Variants in PLXDC1 observed in about 807,000 individuals in gnomAD.
PLXDC1 encodes the protein plexin domain containing 1.
PLXDC1 carries 39 observed loss-of-function variants against 61.3 expected under a neutral mutation model. That is an observed-to-expected ratio of 0.64 (90% confidence interval 0.49 to 0.83). The LOEUF (loss-of-function observed/expected upper bound fraction) is 0.83, where lower values mean the gene tolerates loss of function less well. Among genes scored for constraint, PLXDC1 ranks in the 40% least tolerant of loss-of-function variants. PLXDC1 has a pLI of 0.00. For missense variants in PLXDC1, 596 were observed against 666.5 expected (o/e 0.89, Z 1.17); for synonymous variants, 212 against 254.5 (o/e 0.83, Z 1.59).
chr17:39,099,859 G>T (rs1910358484), intron 7 of PLXDC1, among the ~76,000 whole-genome samples: 1 of 152,146 alleles, frequency 6.6e-6, no homozygotes, highest in African/African-American at 2.4e-5. Context: ...CCCCCAGAGA[G>T]CCTCTACGGT....
At position 39,079,037 on chromosome 17, in the gene PLXDC1, C is replaced by T. The variant is rs563117654; in HGVS notation, c.1050+67G>A. 1.4e-5 allele frequency: 18 copies of T among 1,276,318 alleles called. No individual in the cohort carries two copies. In the African/African-American group the frequency reaches 2.0e-4, roughly 14 times the overall value. The allele number at this position is 1,276,318 out of a possible 1,614,324, so 79.1% of individuals were successfully genotyped here. ...TGAGAAGAGTTTCCAGGGGCAGGCC[C>T]TACTGGCTGCCCTCCTGTTCCCCAC... On this transcript the variant is annotated intron_variant, in intron 10 of 13. Coordinates refer to ENST00000315392, the MANE Select transcript of PLXDC1 (RefSeq NM_020405.5).
At chr17:39,101,149 A>G (rs1910405601) in intron 7 of PLXDC1, among the ~76,000 whole-genome samples, 1 of 152,224 alleles carries the variant, frequency 6.6e-6, no homozygotes, top group African/African-American at 2.4e-5. Flanking sequence ...TGCTCCATAC[A>G]CATATGGCAA....
At chr17:39,105,458 G>A (rs193156087) in intron 7 of PLXDC1, among the ~76,000 whole-genome samples, 6 of 152,262 alleles carry the variant, frequency 3.9e-5, no homozygotes, top group African/African-American at 1.4e-4. Context: ...GCATGGCCGA[G>A]GCTGGATTCC....
chr17:39,070,860 C>T (rs1909088088), intron 12 of PLXDC1, among the ~76,000 whole-genome samples: 3 of 152,230 alleles, frequency 2.0e-5, no homozygotes, highest in Non-Finnish European at 4.4e-5. Flanking sequence ...CGCCTGTAGT[C>T]CCAGCTACTC....
chr17:39,127,550 A>C (rs1911347201), intron 2 of PLXDC1, among the ~76,000 whole-genome samples: 1 of 152,170 alleles, frequency 6.6e-6, no homozygotes, highest in Non-Finnish European at 1.5e-5. Context: ...CGCCCAAGAC[A>C]AAAAGACAAA....
chr17:39,109,164 C>A, intron 3 of PLXDC1, 84 bp downstream of exon 3: 1 of 1,511,090 alleles, frequency 6.6e-7, no homozygotes, highest in Non-Finnish European at 9.0e-7. Context: ...CCTCGGGCCA[C>A]AGCCATGCCC....
At chr17:39,100,349 G>A (rs768583798) in intron 7 of PLXDC1, among the ~76,000 whole-genome samples, 4 of 152,102 alleles carry the variant, frequency 2.6e-5, no homozygotes, top group African/African-American at 9.7e-5. Flanking sequence ...TCCGCCCCTC[G>A]GGTTCAAGCG....
chr17:39,103,702 C>G (rs1910500359), intron 7 of PLXDC1, among the ~76,000 whole-genome samples: 1 of 151,774 alleles, frequency 6.6e-6, no homozygotes. Flanking sequence ...AAAAATCAGC[C>G]AGGCGTGGTG....
In PLXDC1 at chr17:39,069,800, C is replaced by CA. The variant is rs1433548352; in HGVS notation, c.1383+55dup. On this transcript the variant is annotated intron_variant, in intron 13 of 13. Coordinates refer to ENST00000315392, the MANE Select transcript of PLXDC1 (RefSeq NM_020405.5). ...GGGGAGAGGCAGGGACCGAATGGCC[C>CA]AGGAGACGCCGACGCAGAAGCAGAC... 4.9e-6 allele frequency: 7 copies of CA among 1,436,654 alleles called. No homozygotes were observed. In the African/African-American group the frequency reaches 9.8e-5, roughly 20 times the overall value. The allele number at this position is 1,436,654 out of a possible 1,614,324, so 89.0% of individuals were successfully genotyped here. A position where few individuals can be genotyped will look rare whatever the true frequency, so the allele number is the denominator to read the frequency against.
At chr17:39,119,834 T>G (rs1385012163) in intron 2 of PLXDC1, among the ~76,000 whole-genome samples, 2 of 152,172 alleles carry the variant, frequency 1.3e-5, no homozygotes, top group Admixed American at 6.6e-5. Context: ...AACTTTTCCC[T>G]GGCAACACAT....
chr17:39,092,790 G>A (rs2143534898), intron 7 of PLXDC1, among the ~76,000 whole-genome samples: 1 of 152,352 alleles, frequency 6.6e-6, no homozygotes, highest in Non-Finnish European at 1.5e-5. Flanking sequence ...TGTGAGTGCA[G>A]ATAAATATTT....
intron 7 of PLXDC1, among the ~76,000 whole-genome samples, chr17:39,088,121 C>A (rs892493593): frequency 5.9e-5 from 9 of 152,208 alleles, no homozygotes; most frequent in Non-Finnish European, 1.3e-4. Flanking sequence ...CTGGCTCAGG[C>A]CAGGTGCCCC....
At chr17:39,133,267 A>G (rs780030822) in intron 2 of PLXDC1, among the ~76,000 whole-genome samples, 1 of 152,070 alleles carries the variant, frequency 6.6e-6, no homozygotes, top group Non-Finnish European at 1.5e-5. Flanking sequence ...ACCCAGAACA[A>G]GGCCTAACAG....
At position 39,109,386 on chromosome 17, in the gene PLXDC1, GTCC is replaced by G; in HGVS notation, c.258_260del (p.Glu86del). 1 of 1,589,434 alleles carries G rather than the reference GTCC, an allele frequency of 6.3e-7. No homozygotes were observed. The highest frequency in any genetic ancestry group is 8.6e-7 in the Non-Finnish European group (1 of 1,168,714). Reference sequence around the variant, plus strand: ...GACGGGACACATAATAGCTGTGGTTGTCCTCCTGCCGGCACCCAAGATAAAGCC... The same window carrying G: ...GACGGGACACATAATAGCTGTGGTTGTCCTGCCGGCACCCAAGATAAAGCC... On this transcript the variant is annotated inframe_deletion and splice_region_variant, in exon 3 of 14. Coordinates refer to ENST00000315392, the MANE Select transcript of PLXDC1 (RefSeq NM_020405.5).
chr17:39,108,982 G>A lies in PLXDC1; in HGVS notation c.400-9C>T, dbSNP rs376111245. 3.7e-6 allele frequency: 6 copies of A among 1,608,526 alleles called. No homozygotes were observed. The African/African-American group carries it at 5.3e-5, about 14-fold the overall frequency. ...AAGGACAAGACCACTCTCTGCAGGG[G>A]ATGGGAGAAAGTCAGCACGGGCCAA... On this transcript the variant is annotated splice_polypyrimidine_tract_variant and intron_variant, in intron 3 of 13. Transcript: ENST00000315392.
intron 2 of PLXDC1, among the ~76,000 whole-genome samples, chr17:39,120,083 A>C (rs1911110980): frequency 6.6e-6 from 1 of 152,226 alleles, no homozygotes; most frequent in African/African-American, 2.4e-5. Context: ...CAAATTATAA[A>C]GAGGACCTAA....
At chr17:39,152,232 G>C (rs891157784), upstream of PLXDC1, among the ~76,000 whole-genome samples, 5 of 151,014 alleles carry the variant, frequency 3.3e-5, no homozygotes, top group Admixed American at 6.6e-5. Flanking sequence ...GCAGACGTGA[G>C]GGTGGAGGGG....
At chr17:39,085,303 G>A (rs756059175) in intron 8 of PLXDC1, among the ~76,000 whole-genome samples, 18 of 152,192 alleles carry the variant, frequency 1.2e-4, no homozygotes, top group Admixed American at 2.6e-4. Flanking sequence ...TGAAGGCCCT[G>A]GGAGAGTGGA....
At chr17:39,147,287 C>A (rs967058790) in intron 1 of PLXDC1, among the ~76,000 whole-genome samples, 1 of 152,174 alleles carries the variant, frequency 6.6e-6, no homozygotes, top group African/African-American at 2.4e-5. Context: ...AATGCAGTTT[C>A]TTTATTTCTT....
Sources: allele counts gnomAD v4.1 joint callset (sites outside exome capture counted in the v4.1 genomes callset), GRCh38; gene constraint gnomAD v4.1.1; transcripts MANE v1.5; gene names NCBI Gene and HGNC (gene_info 2026-07-23, HGNC 2026-07-21).